CALCRL: variants seen among roughly 807,000 people sequenced by gnomAD.
The protein encoded by CALCRL is calcitonin receptor like receptor, also known as calcitonin gene-related peptide type 1 receptor.
Under a neutral mutation model 60.4 loss-of-function variants are expected in CALCRL, and 27 were observed. The observed-to-expected ratio is 0.45, with a 90% confidence interval of 0.33 to 0.62. The LOEUF is 0.62. Ranked by LOEUF, CALCRL falls within the 20% of genes least tolerant of loss-of-function variation. The pLI is 0.03. For missense variants in CALCRL, 424 were observed against 540.7 expected, an observed-to-expected ratio of 0.78 and a Z score of 2.14; for synonymous variants, 190 against 182.6, an observed-to-expected ratio of 1.04 and a Z score of -0.33.
intron 1 of CALCRL, chr2:187,415,745 C>T (rs1574298278): frequency 5.8e-6 from 3 of 514,838 alleles, no homozygotes; most frequent in East Asian, 8.3e-5. Flanking sequence ...GCTGGCATTG[C>T]TCTCAACGAC....
chr2:187,443,859 G>T (rs1211726628), intron 1 of CALCRL, among the ~76,000 whole-genome samples: 1 of 151,658 alleles, frequency 6.6e-6, no homozygotes, highest in African/African-American at 2.4e-5. Context: ...AAATTGAGGT[G>T]CATATGCAAA....
chr2:187,422,258 A>G (rs527839243), intron 1 of CALCRL, among the ~76,000 whole-genome samples: 2 of 152,316 alleles, frequency 1.3e-5, no homozygotes, highest in African/African-American at 4.8e-5. Context: ...TAAAAATTAC[A>G]TTTAATGAAC....
chr2:187,443,154 G>C (rs1208809824), intron 1 of CALCRL, among the ~76,000 whole-genome samples: 1 of 151,750 alleles, frequency 6.6e-6, no homozygotes, highest in Non-Finnish European at 1.5e-5. Flanking sequence ...ATGGCAAAAG[G>C]ATGGTCACTG....
chr2:187,371,703 TCC>T (rs1687529548), intron 8 of CALCRL, among the ~76,000 whole-genome samples: 1 of 150,710 alleles, frequency 6.6e-6, no homozygotes, highest in Non-Finnish European at 1.5e-5. Context: ...GCCACTGCAC[TCC>T]AGCCTGGGCG....
Position 187,343,423 on chromosome 2 carries a change from T to G in CALCRL, c.*2761A>C, listed in dbSNP as rs1199362046. 2 of 151,920 alleles carry G rather than the reference T, an allele frequency of 1.3e-5. No homozygotes were observed. Among genetic ancestry groups the G allele is most frequent in the Non-Finnish European group, 3.0e-5 (2 of 67,528 alleles). The allele number at this position is 151,920 out of a possible 1,614,324, so 9.4% of individuals were successfully genotyped here. Reference sequence around the variant, plus strand: ...TTTACAGATAACTAGTGGTTTCTACTAGCAGATTAAAACCAAGAGAAAATT... The same window carrying G: ...TTTACAGATAACTAGTGGTTTCTACGAGCAGATTAAAACCAAGAGAAAATT... On this transcript the variant is annotated 3_prime_UTR_variant, in exon 15 of 15. Coordinates refer to ENST00000392370, the MANE Select transcript of CALCRL (RefSeq NM_005795.6).
At chr2:187,403,781 C>T (rs1688996578) in intron 1 of CALCRL, among the ~76,000 whole-genome samples, 1 of 151,680 alleles carries the variant, frequency 6.6e-6, no homozygotes, top group Admixed American at 6.6e-5. Context: ...GACAAAGTAC[C>T]ATGAACTGCT....
chr2:187,384,693 G>C (rs3821184), intron 4 of CALCRL, among the ~76,000 whole-genome samples: 106,408 of 151,854 alleles, frequency 0.7, 37,479 homozygotes, highest in East Asian at 0.87. Context: ...GTTTTTTTCT[G>C]GTTTAGGTTT....
chr2:187,439,949 C>A (rs1690815704), intron 1 of CALCRL, among the ~76,000 whole-genome samples: 1 of 152,064 alleles, frequency 6.6e-6, no homozygotes, highest in Admixed American at 6.6e-5. Context: ...GATTAGCATT[C>A]TTTTCATACT....
At chr2:187,417,729 A>C (rs1361855159) in intron 1 of CALCRL, among the ~76,000 whole-genome samples, 3 of 152,138 alleles carry the variant, frequency 2.0e-5, no homozygotes, top group African/African-American at 7.2e-5. Flanking sequence ...AAAGGTCTAA[A>C]TACTTTTCTC....
At chr2:187,399,239 A>G (rs1688779722) in intron 1 of CALCRL, among the ~76,000 whole-genome samples, 1 of 151,586 alleles carries the variant, frequency 6.6e-6, no homozygotes, top group Admixed American at 6.6e-5. Flanking sequence ...TGCCCAGCAA[A>G]TAGGAGTTCA....
chr2:187,426,207 T>C (rs1406726425), intron 1 of CALCRL, among the ~76,000 whole-genome samples: 1 of 151,012 alleles, frequency 6.6e-6, no homozygotes, highest in Non-Finnish European at 1.5e-5. Flanking sequence ...CGTAACACTT[T>C]AAAATCTGTG....
chr2:187,439,799 G>A (rs188379413), intron 1 of CALCRL, among the ~76,000 whole-genome samples: 150 of 152,178 alleles, frequency 9.9e-4, no homozygotes, highest in Non-Finnish European at 1.6e-3. Flanking sequence ...GAAAATGTGC[G>A]TCTCTTTCTT....
chr2:187,347,534 T>C (rs1686336409), intron 14 of CALCRL, among the ~76,000 whole-genome samples: 1 of 151,898 alleles, frequency 6.6e-6, no homozygotes, highest in African/African-American at 2.4e-5. Context: ...ATTCCTCAAC[T>C]TTCTCTTCAC....
At chr2:187,351,715 C>G (rs1357676083) in intron 14 of CALCRL, among the ~76,000 whole-genome samples, 1 of 151,740 alleles carries the variant, frequency 6.6e-6, no homozygotes, top group Non-Finnish European at 1.5e-5. Flanking sequence ...TGACTTTTCC[C>G]TGGCTTTGAA....
chr2:187,370,839 C>G (rs1027696654), intron 8 of CALCRL, among the ~76,000 whole-genome samples: 10 of 152,186 alleles, frequency 6.6e-5, no homozygotes, highest in Non-Finnish European at 1.5e-4. Flanking sequence ...TTGGCACCAT[C>G]TCACTTTATG....
At chr2:187,358,858 T>C (rs1171873388) in intron 12 of CALCRL, among the ~76,000 whole-genome samples, 1 of 152,128 alleles carries the variant, frequency 6.6e-6, no homozygotes, top group Non-Finnish European at 1.5e-5. Context: ...CCCTAATGGC[T>C]CACCATCCCT....
At chr2:187,445,138 T>G (rs1302244242) in intron 1 of CALCRL, among the ~76,000 whole-genome samples, 2 of 151,556 alleles carry the variant, frequency 1.3e-5, no homozygotes, top group Non-Finnish European at 3.0e-5. Flanking sequence ...ACCATTTGTC[T>G]ATCTTAAGCG....
chr2:187,417,647 A>C (rs920832911), intron 1 of CALCRL, among the ~76,000 whole-genome samples: 3 of 152,140 alleles, frequency 2.0e-5, no homozygotes, highest in African/African-American at 7.2e-5. Flanking sequence ...TTGTGGTAAA[A>C]TATTGATTTA....
intron 1 of CALCRL, among the ~76,000 whole-genome samples, chr2:187,417,322 G>T (rs1050533951): frequency 6.6e-6 from 1 of 151,796 alleles, no homozygotes; most frequent in Non-Finnish European, 1.5e-5. Context: ...GGAAAGAAAA[G>T]AAATACTAAA....
Sources: allele counts gnomAD v4.1 joint callset (sites outside exome capture counted in the v4.1 genomes callset), GRCh38; gene constraint gnomAD v4.1.1; transcripts MANE v1.5; gene names NCBI Gene and HGNC (gene_info 2026-07-23, HGNC 2026-07-21).